PFAS: variants seen among roughly 807,000 people sequenced by gnomAD.
PFAS encodes the protein phosphoribosylformylglycinamidine synthase.
In PFAS, 97 loss-of-function variants were observed where a neutral mutation model predicts 140.6. The ratio of observed to expected loss-of-function variants is 0.69; its 90% CI spans 0.59 to 0.82. The LOEUF (loss-of-function observed/expected upper bound fraction) is 0.82, where lower values mean the gene tolerates loss of function less well. Among genes scored for constraint, PFAS ranks in the 40% least tolerant of loss-of-function variants. The pLI is 0.00. For missense variants in PFAS, 1,656 were observed against 1,780.2 expected (o/e 0.93, Z 1.26); for synonymous variants, 679 against 718.8 (o/e 0.94, Z 0.88).
At chr17:8,264,428 C>G (rs199652453) in intron 16 of PFAS, 42 bp from the exon 17 acceptor site, 2 of 1,612,350 alleles carry the variant, frequency 1.2e-6, no homozygotes, top group African/African-American at 1.3e-5. Context: ...GTGCCCAGCC[C>G]GCCCCAGGTG....
At chr17:8,262,832 C>T (rs1270795260) in intron 11 of PFAS, 88 bp from the exon 12 acceptor site, 3 of 998,322 alleles carry the variant, frequency 3.0e-6, no homozygotes, top group Admixed American at 1.8e-5. Flanking sequence ...TCCCTAACAT[C>T]AGCTTCCTCT....
intron 17 of PFAS, 49 bp from the exon 18 acceptor site, chr17:8,264,846 A>G (rs1198579501): frequency 7.5e-7 from 1 of 1,337,442 alleles, no homozygotes; most frequent in Non-Finnish European, 1.0e-6. Context: ...GCGGGAGCTC[A>G]GGCTGTCCCT....
intron 20 of PFAS, 101 bp from the exon 21 acceptor site, chr17:8,265,761 T>A: frequency 7.4e-7 from 1 of 1,342,432 alleles, no homozygotes; most frequent in Non-Finnish European, 1.1e-6. Context: ...ACTGATTGTC[T>A]AGGTGTCTCA....
At position 8,255,587 on chromosome 17, in the gene PFAS, C is replaced by A; in HGVS notation, c.470C>A (p.Pro157His). ...ATGACAGAGCAGCACTTCCCCCATC[C>A]CATCCAGAGTTTCTCCCCTGAGAGC... ...DRMTEQHFPH[P>H]IQSFSPESMP... Residue 157 changes from proline (P) to histidine (H), a missense_variant, in exon 5 of 28, where the codon CCC (proline) becomes CAC (histidine). Pro to His is a moderately conservative substitution (Grantham distance 77, BLOSUM62 -2). Coordinates refer to ENST00000314666, the MANE Select transcript of PFAS (RefSeq NM_012393.3). The A allele has an allele frequency of 6.4e-7, 1 of 1,566,948 alleles. No homozygotes were observed. Among genetic ancestry groups the A allele is most frequent in the South Asian group, 1.2e-5 (1 of 82,254 alleles).
Position 8,263,119 on chromosome 17 carries a change from A to G in PFAS, c.1421A>G (p.Asp474Gly). 6.2e-7 allele frequency: 1 copy of G among 1,613,974 alleles called. No homozygotes were observed. The highest frequency in any genetic ancestry group is 2.2e-5 in the East Asian group (1 of 44,880). Residue 474 changes from aspartate to glycine, a missense_variant, in exon 13 of 28, where the codon GAT (aspartate) becomes GGT (glycine). By Grantham distance (94) the Asp-to-Gly change is moderately conservative (BLOSUM62 -1). Coordinates refer to ENST00000314666, the MANE Select transcript of PFAS (RefSeq NM_012393.3). ...CATATATGCCCCCAGGTGCAGGGAG[A>G]TAACACCAGTGACCTGGACTTTGGG... ...GAASSVQVQG[D>G]NTSDLDFGAV...
chr17:8,257,083 C>T lies in PFAS; in HGVS notation c.1075+120C>T, dbSNP rs1597419263. 3.5e-5 allele frequency: 38 copies of T among 1,100,684 alleles called. No homozygotes were observed. The East Asian group carries it at 9.0e-4, about 26-fold the overall frequency. The allele number at this position is 1,100,684 out of a possible 1,614,324, so 68.2% of individuals were successfully genotyped here. On this transcript the variant is annotated intron_variant, in intron 9 of 27. Transcript: ENST00000314666. The stretch of plus-strand genomic sequence containing the variant: ...GTGTGCCTTTTCTCAGGAGGAAGGG[C>T]TCTAGGATAGCTGGCCTTTCACTAA...
Position 8,253,986 on chromosome 17 carries a change from G to A in PFAS, c.49G>A (p.Ala17Thr). ...FYVRPSGHEG[A>T]APGHTRRKLQ... ...TGTTCGTCCCTCTGGCCATGAGGGG[G>A]CAGCCCCTGGACACACTCGGAGGAA... Residue 17 changes from alanine (A) to threonine (T), a missense_variant, in exon 2 of 28, where the codon GCA (alanine) becomes ACA (threonine). By Grantham distance (58) the Ala-to-Thr change is moderately conservative. Around this residue, in one of 2 missense-constraint regions of PFAS, gnomAD observed 773 missense variants for 757.3 expected, o/e 1.02. Transcript: ENST00000314666. 1 of 1,613,978 alleles carries A rather than the reference G, an allele frequency of 6.2e-7. No homozygotes were observed.
Position 8,263,195 on chromosome 17 carries a change from C to T in PFAS, c.1497C>T (p.Ile499=). 1 of 1,614,064 alleles carries T rather than the reference C, an allele frequency of 6.2e-7. No homozygotes were observed. The highest frequency in any genetic ancestry group is 8.5e-7 in the Non-Finnish European group (1 of 1,179,942). Reference sequence around the variant, plus strand: ...TGGAACAGAAGATGAACCGTGTGATCAGGGCTTGTGTGGAGGCCCCCAAGG... The same window carrying T: ...TGGAACAGAAGATGAACCGTGTGATTAGGGCTTGTGTGGAGGCCCCCAAGG... ...PEMEQKMNRV[I]RACVEAPKGN... is the part of the protein sequence containing the mutation. Residue 499 remains isoleucine, a synonymous_variant, in exon 13 of 28, where the codon ATC becomes ATT. Transcript: ENST00000314666.
chr17:8,265,540 C>G lies in PFAS; in HGVS notation c.2462-16C>G. Reference sequence around the variant, plus strand: ...GGTTGGCAACTCATTCCTTTGGACTCCTCCTTGCTCTACAGGGTCACTGGT... The same window carrying G: ...GGTTGGCAACTCATTCCTTTGGACTGCTCCTTGCTCTACAGGGTCACTGGT... On this transcript the variant is annotated splice_polypyrimidine_tract_variant and intron_variant, in intron 19 of 27. Transcript: ENST00000314666. The G allele has an allele frequency of 6.2e-7, 1 of 1,613,702 alleles. No homozygotes were observed. Among genetic ancestry groups the G allele is most frequent in the South Asian group, 1.1e-5 (1 of 91,072 alleles).
rs1376328815 is a variant in PFAS, at chr17:8,267,795, G to A, written c.3382+130G>A. ...ACGAGAGAGTGGGCCCATTCGTTCT[G>A]GGCCACATGCCAACAGAAGGCTGGT... On this transcript the variant is annotated intron_variant, in intron 26 of 27. Coordinates refer to ENST00000314666, the MANE Select transcript of PFAS (RefSeq NM_012393.3). The surrounding 1 kb of genome is among the most constrained non-coding windows in gnomAD (Gnocchi z 4.9). The A allele has an allele frequency of 2.1e-6, 1 of 466,938 alleles. No individual in the cohort carries two copies. The highest frequency in any genetic ancestry group is 3.3e-5 in the East Asian group (1 of 30,148). 28.9% of individuals were successfully genotyped at this position (466,938 alleles called of 1,614,324 possible).
upstream of PFAS, chr17:8,247,842 C>G (rs1173219424): frequency 3.0e-6 from 2 of 674,160 alleles, no homozygotes; most frequent in African/African-American, 1.8e-5. Flanking sequence ...TAAACATTCG[C>G]AGAACCAGTA....
intron 2 of PFAS, 37 bp downstream of exon 2, chr17:8,254,116 T>A (rs778993264): frequency 5.1e-5 from 83 of 1,613,790 alleles, no homozygotes; most frequent in Non-Finnish European, 6.8e-5. Flanking sequence ...GGGACATGCC[T>A]CGGTGCTGGG....
intron 11 of PFAS, among the ~76,000 whole-genome samples, chr17:8,259,176 C>T (rs1351239719): frequency 6.6e-6 from 1 of 150,558 alleles, no homozygotes. Flanking sequence ...AAGCTACTGT[C>T]AATGTAACAT....
upstream of PFAS, chr17:8,248,131 G>T (rs1038186967): frequency 1.5e-5 from 14 of 943,732 alleles, no homozygotes; most frequent in Admixed American, 4.1e-5. Flanking sequence ...CGGTGAGCGG[G>T]TTTCCTCGCC....
At chr17:8,263,754 C>T (rs1466096606) in intron 14 of PFAS, 21 bp from the exon 15 acceptor site, 1 of 1,611,014 alleles carries the variant, frequency 6.2e-7, no homozygotes, top group South Asian at 1.1e-5. Context: ...CTTCTCTTTC[C>T]TCCCCGCCGT....
Position 8,266,148 on chromosome 17 carries a change from A to G in PFAS, c.2702-86A>G, listed in dbSNP as rs1270793640. On this transcript the variant is annotated intron_variant, in intron 21 of 27. Coordinates refer to ENST00000314666, the MANE Select transcript of PFAS (RefSeq NM_012393.3). The surrounding 1 kb of genome is among the most constrained non-coding windows in gnomAD (Gnocchi z 5.0). ...CAGATCCCCTGACATTCTGACACAC[A>G]CTCTTGATGGACTGACTCCGGAAGG... 1.5e-5 allele frequency: 23 copies of G among 1,573,298 alleles called. No homozygotes were observed. Among genetic ancestry groups the G allele is most frequent in the South Asian group, 7.0e-5 (6 of 85,280 alleles).
chr17:8,258,792 C>T (rs1989474626), intron 11 of PFAS, among the ~76,000 whole-genome samples: 1 of 152,010 alleles, frequency 6.6e-6, no homozygotes, highest in Non-Finnish European at 1.5e-5. Flanking sequence ...CGAGACCATC[C>T]TGGCTAACAC....
chr17:8,255,467 T>C, intron 4 of PFAS, 35 bp from the exon 5 acceptor site: 1 of 1,464,388 alleles, frequency 6.8e-7, no homozygotes, highest in Non-Finnish European at 9.2e-7. Context: ...TCTTAAACTC[T>C]TCACCCCTTG....
intron 12 of PFAS, 24 bp downstream of exon 12, chr17:8,263,017 C>T (rs1989655608): frequency 1.2e-6 from 2 of 1,611,344 alleles, no homozygotes; most frequent in East Asian, 2.2e-5. Flanking sequence ...GCTAAAGGTG[C>T]AGAATCCTTG....
Sources: allele counts gnomAD v4.1 joint callset (sites outside exome capture counted in the v4.1 genomes callset), GRCh38; gene constraint gnomAD v4.1.1; regional missense constraint gnomAD v4.1.1; non-coding constraint Gnocchi (gnomAD v3.1); transcripts MANE v1.5; gene names NCBI Gene and HGNC (gene_info 2026-07-23, HGNC 2026-07-21).